ITGAV: variants seen among roughly 807,000 people sequenced by gnomAD.
ITGAV encodes integrin subunit alpha V.
ITGAV carries 76 observed loss-of-function variants against 143.8 expected under a neutral mutation model. That is an observed-to-expected ratio of 0.53 (90% CI 0.44 to 0.64). The LOEUF is 0.64. Ranked by LOEUF, ITGAV falls within the 30% of genes least tolerant of loss-of-function variation. The pLI, the probability that ITGAV is intolerant of heterozygous loss-of-function variation, is 0.00. For missense variants in ITGAV, 1,193 were observed against 1,274.7 expected (o/e 0.94, Z 0.98); for synonymous variants, 453 against 446.7 (o/e 1.01, Z -0.18).
Position 186,679,506 on chromosome 2 carries a change from T to A in ITGAV, c.*2214T>A, listed in dbSNP as rs929322158. 5.3e-5 allele frequency: 8 copies of A among 151,252 alleles called. No individual in the cohort carries two copies. Among genetic ancestry groups the A allele is most frequent in the Middle Eastern group, 3.5e-3 (1 of 288 alleles). The allele number at this position is 151,252 out of a possible 1,614,324, so 9.4% of individuals were successfully genotyped here. A position where few individuals can be genotyped will look rare whatever the true frequency, so the allele number is the denominator to read the frequency against. Reference sequence around the variant, plus strand: ...AAGAAAATGGTGGGATTTTTTTTTATCATGATTAAATATCAAAAAATTGCC... The same window carrying A: ...AAGAAAATGGTGGGATTTTTTTTTAACATGATTAAATATCAAAAAATTGCC... On this transcript the variant is annotated 3_prime_UTR_variant, in exon 30 of 30. Transcript: ENST00000261023.
intron 24 of ITGAV, 24 bp from the exon 25 acceptor site, chr2:186,668,738 A>T: frequency 6.2e-7 from 1 of 1,609,008 alleles, no homozygotes; most frequent in Non-Finnish European, 8.5e-7. Flanking sequence ...CAAGGTGTAG[A>T]TACATTTTCT....
At chr2:186,596,670 A>G (rs1686757998) in intron 1 of ITGAV, among the ~76,000 whole-genome samples, 1 of 152,110 alleles carries the variant, frequency 6.6e-6, no homozygotes, top group African/African-American at 2.4e-5. Flanking sequence ...AAGTGCTAGG[A>G]TTACAGGCAT....
At chr2:186,661,214 A>G (rs1281518493) in intron 18 of ITGAV, among the ~76,000 whole-genome samples, 2 of 152,314 alleles carry the variant, frequency 1.3e-5, no homozygotes, top group East Asian at 3.9e-4. Flanking sequence ...TCTAAATTCA[A>G]ATATTTAGGT....
chr2:186,614,933 T>C (rs1300025117), intron 2 of ITGAV, among the ~76,000 whole-genome samples: 2 of 151,966 alleles, frequency 1.3e-5, no homozygotes, highest in Non-Finnish European at 2.9e-5. Flanking sequence ...ATTTATAGAG[T>C]TTTGTAACTA....
chr2:186,613,943 A>G (rs527262800), intron 2 of ITGAV, among the ~76,000 whole-genome samples: 1 of 152,212 alleles, frequency 6.6e-6, no homozygotes, highest in East Asian at 1.9e-4. Flanking sequence ...CAGTGCTTAA[A>G]AAAAGAAGGA....
intron 8 of ITGAV, 31 bp downstream of exon 8, chr2:186,637,140 T>A: frequency 6.4e-7 from 1 of 1,555,392 alleles, no homozygotes; most frequent in Non-Finnish European, 8.9e-7. Flanking sequence ...ATCTAATCTT[T>A]AAAAAAATTA....
At chr2:186,614,045 T>C (rs950786487) in intron 2 of ITGAV, among the ~76,000 whole-genome samples, 1 of 152,066 alleles carries the variant, frequency 6.6e-6, no homozygotes, top group Non-Finnish European at 1.5e-5. Flanking sequence ...CTCCTTTACA[T>C]GTAAGAGATG....
intron 1 of ITGAV, among the ~76,000 whole-genome samples, chr2:186,601,134 CTT>C (rs1415043061): frequency 6.6e-6 from 1 of 151,898 alleles, no homozygotes; most frequent in Non-Finnish European, 1.5e-5. Flanking sequence ...ATTATTGTGT[CTT>C]TGGTTTATTT....
chr2:186,596,912 T>A lies in ITGAV; in HGVS notation c.186-5109T>A, dbSNP rs903543580. ...TTTAATATCGAGATGGCATTTTGGA[T>A]GAAAAACTTCATCAGCTTTTTTCCC... On this transcript the variant is annotated intron_variant, in intron 1 of 29. Coordinates refer to ENST00000261023, the MANE Select transcript of ITGAV (RefSeq NM_002210.5). Among the ~76,000 whole-genome samples the A allele has an allele frequency of 2.6e-5, 4 of 152,360 alleles. No individual in the cohort carries two copies. The South Asian group carries it at 8.3e-4, about 32-fold the overall frequency.
At chr2:186,605,756 A>T (rs77756732) in intron 2 of ITGAV, among the ~76,000 whole-genome samples, 11 of 24,150 alleles carry the variant, frequency 4.6e-4, no homozygotes, top group African/African-American at 1.3e-3. Flanking sequence ...ATATATATAT[A>T]TATTTATATG....
At chr2:186,644,604 G>A (rs541071275) in intron 12 of ITGAV, among the ~76,000 whole-genome samples, 3 of 152,078 alleles carry the variant, frequency 2.0e-5, no homozygotes, top group East Asian at 1.9e-4. Context: ...GAATACAGGC[G>A]TGAGCCACCG....
intron 26 of ITGAV, among the ~76,000 whole-genome samples, chr2:186,673,320 A>G (rs529890617): frequency 1.3e-5 from 2 of 152,338 alleles, no homozygotes; most frequent in South Asian, 4.1e-4. Flanking sequence ...TGATTACCAT[A>G]GCTCTGGAGT....
intron 1 of ITGAV, chr2:186,600,303 A>AC (rs1686863726): frequency 2.1e-6 from 3 of 1,396,892 alleles, no homozygotes; most frequent in Non-Finnish European, 2.9e-6. Flanking sequence ...CCTCATCCCC[A>AC]CCCCCCACTC....
intron 4 of ITGAV, among the ~76,000 whole-genome samples, chr2:186,629,860 A>G (rs1002356835): frequency 1.3e-5 from 2 of 152,084 alleles, no homozygotes; most frequent in South Asian, 2.1e-4. Flanking sequence ...ATAAGGGGAA[A>G]GTGTTCAGAT....
chr2:186,611,417 G>T (rs1559042290), intron 2 of ITGAV, among the ~76,000 whole-genome samples: 1 of 151,892 alleles, frequency 6.6e-6, no homozygotes, highest in Non-Finnish European at 1.5e-5. Flanking sequence ...AGAGAGTTGG[G>T]GTCTTGCTAT....
intron 26 of ITGAV, among the ~76,000 whole-genome samples, chr2:186,671,738 C>T (rs1689067207): frequency 6.6e-6 from 1 of 152,002 alleles, no homozygotes; most frequent in South Asian, 2.1e-4. Context: ...ATTTTTGTCA[C>T]CCCAAAAAGA....
intron 18 of ITGAV, chr2:186,660,497 A>T (rs1224776237): frequency 6.6e-6 from 1 of 151,952 alleles, no homozygotes; most frequent in Non-Finnish European, 1.5e-5. Context: ...TACTTACCCC[A>T]CCATTTTCAT....
chr2:186,622,148 C>T (rs1687544273), intron 2 of ITGAV, among the ~76,000 whole-genome samples, 191 bp from the exon 3 acceptor site: 1 of 152,106 alleles, frequency 6.6e-6, no homozygotes, highest in Non-Finnish European at 1.5e-5. Context: ...ACTTCTGGGT[C>T]ATCATGTATC....
At chr2:186,629,825 T>G (rs554561065) in intron 4 of ITGAV, among the ~76,000 whole-genome samples, 2 of 152,220 alleles carry the variant, frequency 1.3e-5, no homozygotes, top group Non-Finnish European at 2.9e-5. Context: ...TGTTTTCCAT[T>G]GTTCTCTGTT....
Sources: allele counts gnomAD v4.1 joint callset (sites outside exome capture counted in the v4.1 genomes callset), GRCh38; gene constraint gnomAD v4.1.1; transcripts MANE v1.5; gene names NCBI Gene and HGNC (gene_info 2026-07-23, HGNC 2026-07-21).